GTF2H3: variants seen among roughly 807,000 people sequenced by gnomAD.
The protein encoded by GTF2H3 is TFIIH basal transcription factor complex p34 subunit.
Under a neutral mutation model 51.1 loss-of-function variants are expected in GTF2H3, and 42 were observed. The observed-to-expected ratio is 0.82, with a 90% CI of 0.64 to 1.06. GTF2H3 has a LOEUF of 1.06. Ranked by LOEUF, GTF2H3 falls within the 50% of genes least tolerant of loss-of-function variation. GTF2H3 has a pLI of 0.00. For missense variants in GTF2H3, 326 were observed against 366.1 expected (o/e 0.89, Z 0.89); for synonymous variants, 123 against 123.8 (o/e 0.99, Z 0.04).
intron 7 of GTF2H3, among the ~76,000 whole-genome samples, chr12:123,654,562 T>C (rs537843271): frequency 6.7e-4 from 101 of 151,764 alleles, no homozygotes; most frequent in African/African-American, 2.1e-3. Flanking sequence ...TGTGTGTGTG[T>C]ATTTTGGGGG....
At chr12:123,646,909 T>G (rs1346628195) in intron 3 of GTF2H3, among the ~76,000 whole-genome samples, 4 of 149,746 alleles carry the variant, frequency 2.7e-5, no homozygotes, top group Non-Finnish European at 5.9e-5. Context: ...CCCAGCACTT[T>G]GGGAGGCCGA....
chr12:123,650,502 T>C (rs372019911), intron 4 of GTF2H3: 3 of 154,694 alleles, frequency 1.9e-5, no homozygotes, highest in Non-Finnish European at 4.3e-5. Context: ...GGGATCTTTT[T>C]GTGTGTGTAT....
intron 2 of GTF2H3, chr12:123,639,964 AT>A (rs1955344932): frequency 2.2e-6 from 1 of 455,800 alleles, no homozygotes; most frequent in South Asian, 1.5e-5. Context: ...CAGCACCACC[AT>A]CTCATGCCTC....
chr12:123,657,621 TG>T (rs1242722239), intron 9 of GTF2H3, among the ~76,000 whole-genome samples: 1 of 152,248 alleles, frequency 6.6e-6, no homozygotes, highest in Non-Finnish European at 1.5e-5. Flanking sequence ...TTCATAGAAA[TG>T]ATCATAACCT....
rs370101201 is a variant in GTF2H3 at position 123,652,741 on chromosome 12, A to T, written c.486+6A>T. ...AAATGAAATCAAGGATATTGGTAAGATAAAAAAATCATTACTTTTTTATAT... is the reference window on the plus strand; with the variant it reads ...AAATGAAATCAAGGATATTGGTAAGTTAAAAAAATCATTACTTTTTTATAT... On this transcript the variant is annotated splice_donor_region_variant and intron_variant, in intron 7 of 12. Transcript: ENST00000543341. 3 of 1,487,308 alleles carry T rather than the reference A, an allele frequency of 2.0e-6. No homozygotes were observed. Among genetic ancestry groups the T allele is most frequent in the Non-Finnish European group, 2.7e-6 (3 of 1,101,600 alleles). The allele number at this position is 1,487,308 out of a possible 1,614,324, so 92.1% of individuals were successfully genotyped here.
intron 9 of GTF2H3, chr12:123,656,042 A>T: frequency 2.4e-6 from 1 of 409,934 alleles, no homozygotes; most frequent in Non-Finnish European, 4.4e-6. Context: ...GCACTAAAAG[A>T]CAAAAACTGA....
At chr12:123,647,246 A>G (rs751869407) in intron 3 of GTF2H3, among the ~76,000 whole-genome samples, 12 of 151,830 alleles carry the variant, frequency 7.9e-5, no homozygotes, top group Non-Finnish European at 1.6e-4. Context: ...GAGGCAGATT[A>G]CTTGAGGTCA....
At chr12:123,638,792 C>CTTTTT (rs775845249) in intron 1 of GTF2H3, among the ~76,000 whole-genome samples, 5 of 119,756 alleles carry the variant, frequency 4.2e-5, no homozygotes, top group East Asian at 2.3e-4. Flanking sequence ...TGCTTTAAAG[C>CTTTTT]TTTTTTTTTT....
At chr12:123,640,608 G>A (rs990746080) in intron 2 of GTF2H3, among the ~76,000 whole-genome samples, 2 of 152,106 alleles carry the variant, frequency 1.3e-5, no homozygotes, top group Non-Finnish European at 2.9e-5. Flanking sequence ...AAAGTACTGG[G>A]ATTACAGGCA....
chr12:123,656,468 A>T (rs1400158570), intron 9 of GTF2H3, among the ~76,000 whole-genome samples: 1 of 152,226 alleles, frequency 6.6e-6, no homozygotes, highest in East Asian at 1.9e-4. Context: ...TGTCTCTGCC[A>T]TGAATTCACA....
At chr12:123,639,243 A>G (rs1955332736) in intron 1 of GTF2H3, 21 bp from the exon 2 acceptor site, 2 of 1,209,108 alleles carry the variant, frequency 1.7e-6, no homozygotes, top group Non-Finnish European at 2.4e-6. Context: ...TTTAAATTTT[A>G]TTTCTTGTTA....
At chr12:123,648,734 A>C (rs1344092458) in intron 4 of GTF2H3, among the ~76,000 whole-genome samples, 1 of 152,168 alleles carries the variant, frequency 6.6e-6, no homozygotes, top group East Asian at 1.9e-4. Context: ...CTCACATCCG[A>C]CATCTAATCA....
At chr12:123,655,073 T>C (rs1279897849) in intron 8 of GTF2H3, 75 bp downstream of exon 8, 1 of 1,045,186 alleles carries the variant, frequency 9.6e-7, no homozygotes, top group East Asian at 2.4e-5. Context: ...AATGCTCTAC[T>C]CTGAGGTATT....
intron 2 of GTF2H3, among the ~76,000 whole-genome samples, chr12:123,643,781 A>G (rs1241495675): frequency 6.6e-6 from 1 of 152,172 alleles, no homozygotes; most frequent in Non-Finnish European, 1.5e-5. Context: ...CTTTTCGCCA[A>G]TTAGAAATTT....
rs1032358451 is a variant in GTF2H3, at chr12:123,662,346, AT to A, written c.*2114del. 3.3e-5 allele frequency: 5 copies of A among 152,130 alleles called. No individual in the cohort carries two copies. The highest frequency in any genetic ancestry group is 5.9e-5 in the Non-Finnish European group (4 of 68,014). The allele number at this position is 152,130 out of a possible 1,614,324, so 9.4% of individuals were successfully genotyped here. A position where few individuals can be genotyped will look rare whatever the true frequency, so the allele number is the denominator to read the frequency against. ...AGACTTTGGTGATCACTTTGCAAAT[AT>A]TTGTTAATCCTTGAGTTTGAGAACC... On this transcript the variant is annotated 3_prime_UTR_variant, in exon 13 of 13. Transcript: ENST00000543341.
At position 123,641,774 on chromosome 12, in the gene GTF2H3, TTAAA is replaced by T. The variant is rs141024431; in HGVS notation, c.93+2438_93+2441del. 3.2e-3 allele frequency among the ~76,000 whole-genome samples: 480 copies of T among 152,316 alleles called. 5 individuals carry two copies. Among genetic ancestry groups the T allele is most frequent in the African/African-American group, 0.011 (455 of 41,560 alleles). On this transcript the variant is annotated intron_variant, in intron 2 of 12. Coordinates refer to ENST00000543341, the MANE Select transcript of GTF2H3 (RefSeq NM_001516.5). ...TTGTCCTCCTTTACTGTCTTTTGTG[TTAAA>T]TAAATATTTTTTACGTACTATATTA...
rs1346918561 is a variant in GTF2H3 at position 123,662,505 on chromosome 12, ATATCT to A, written c.*2274_*2278del. ...TTTTATTATTACTTTTTTATTTGAA[ATATCT>A]TATATATTTGGTTAGTTCTGTTTAA... On this transcript the variant is annotated 3_prime_UTR_variant, in exon 13 of 13. Transcript: ENST00000543341. 1 of 152,148 alleles carries A rather than the reference ATATCT, an allele frequency of 6.6e-6. No individual in the cohort carries two copies. Among genetic ancestry groups the A allele is most frequent in the African/African-American group, 2.4e-5 (1 of 41,448 alleles). The allele number at this position is 152,148 out of a possible 1,614,324, so 9.4% of individuals were successfully genotyped here. A position where few individuals can be genotyped will look rare whatever the true frequency, so the allele number is the denominator to read the frequency against.
intron 1 of GTF2H3, among the ~76,000 whole-genome samples, chr12:123,638,700 C>T (rs1955322777): frequency 6.6e-6 from 1 of 151,900 alleles, no homozygotes; most frequent in Non-Finnish European, 1.5e-5. Flanking sequence ...GACAAAAATT[C>T]CTACCCTCAC....
intron 9 of GTF2H3, among the ~76,000 whole-genome samples, chr12:123,659,003 G>C (rs1955620613): frequency 6.6e-6 from 1 of 152,118 alleles, no homozygotes; most frequent in African/African-American, 2.4e-5. Flanking sequence ...ACCACAATGA[G>C]CTATTACTTC....
Sources: gnomAD v4.1 joint callset for allele counts (sites outside exome capture counted in the v4.1 genomes callset) on GRCh38, gnomAD v4.1.1 for gene constraint, MANE v1.5 for transcripts, NCBI Gene and HGNC (gene_info 2026-07-23, HGNC 2026-07-21) for gene names.